HHIP: variants seen among roughly 807,000 people sequenced by gnomAD.
HHIP encodes hedgehog interacting protein.
Under a neutral mutation model 74.0 loss-of-function variants are expected in HHIP, and 12 were observed. That is an observed-to-expected ratio of 0.16 (90% CI 0.10 to 0.26). The LOEUF (loss-of-function observed/expected upper bound fraction) is 0.26, where lower values mean the gene tolerates loss of function less well. Ranked by LOEUF, HHIP falls within the 10% of genes least tolerant of loss-of-function variation. HHIP has a pLI of 1.00. For missense variants in HHIP, 788 were observed against 845.0 expected, an observed-to-expected ratio of 0.93 and a Z score of 0.84; for synonymous variants, 309 against 311.6, an observed-to-expected ratio of 0.99 and a Z score of 0.09.
chr4:144,738,388 A>G lies in HHIP; in HGVS notation c.*431A>G. 1.0e-6 allele frequency: 1 copy of G among 970,238 alleles called. No homozygotes were observed. Among genetic ancestry groups the G allele is most frequent in the Non-Finnish European group, 1.2e-6 (1 of 815,688 alleles). 60.1% of individuals were successfully genotyped at this position (970,238 alleles called of 1,614,324 possible). A position where few individuals can be genotyped will look rare whatever the true frequency, so the allele number is the denominator to read the frequency against. ...TGGATCTAATTAAAAAAAAGGCAATATTTTTATATTAAAGTACTATACTAG... is the reference window on the plus strand; with the variant it reads ...TGGATCTAATTAAAAAAAAGGCAATGTTTTTATATTAAAGTACTATACTAG... On this transcript the variant is annotated 3_prime_UTR_variant, in exon 13 of 13. Transcript: ENST00000296575.
At position 144,646,750 on chromosome 4, in the gene HHIP, T is replaced by A; in HGVS notation, c.75T>A (p.Phe25Leu). ...ALGFFEGDAK[F>L]GERNEGSGAR... ...GCTTCTTTGAAGGAGATGCTAAGTT[T>A]GGGGAAAGAAACGAAGGGAGCGGAG... is the stretch of plus-strand genomic sequence containing the variant. Residue 25 changes from phenylalanine to leucine, a missense_variant, in exon 1 of 13, where the codon TTT becomes TTA. Coordinates refer to ENST00000296575, the MANE Select transcript of HHIP (RefSeq NM_022475.3). 5 of 1,614,054 alleles carry A rather than the reference T, an allele frequency of 3.1e-6. No individual in the cohort carries two copies. The highest frequency in any genetic ancestry group is 4.2e-6 in the Non-Finnish European group (5 of 1,180,004).
intron 11 of HHIP, among the ~76,000 whole-genome samples, chr4:144,724,731 T>C (rs1260900907): frequency 6.7e-6 from 1 of 148,428 alleles, no homozygotes; most frequent in East Asian, 1.9e-4. Context: ...TATATATATA[T>C]ATATCCCATT....
At chr4:144,698,214 C>T (rs553613830) in intron 4 of HHIP, among the ~76,000 whole-genome samples, 16 of 152,238 alleles carry the variant, frequency 1.1e-4, no homozygotes, top group Middle Eastern at 6.8e-3. Flanking sequence ...ATTTCTTTGT[C>T]AGGTGTGATG....
intron 4 of HHIP, among the ~76,000 whole-genome samples, chr4:144,676,932 T>TG (rs1729185490): frequency 1.3e-5 from 2 of 152,214 alleles, no homozygotes; most frequent in African/African-American, 2.4e-5. Flanking sequence ...TTAAAGGATA[T>TG]GGGCATTGCC....
At chr4:144,720,106 T>C (rs1023733023) in intron 11 of HHIP, among the ~76,000 whole-genome samples, 18 of 152,196 alleles carry the variant, frequency 1.2e-4, no homozygotes, top group African/African-American at 4.1e-4. Context: ...TCTATTTAAC[T>C]GTATACATTT....
intron 2 of HHIP, among the ~76,000 whole-genome samples, chr4:144,653,712 T>C (rs1728486159): frequency 6.6e-6 from 1 of 152,178 alleles, no homozygotes; most frequent in South Asian, 2.1e-4. Context: ...TTTTAAGTGC[T>C]ATGTACATTT....
intron 11 of HHIP, among the ~76,000 whole-genome samples, chr4:144,730,160 C>T (rs1291283049): frequency 6.6e-6 from 1 of 152,164 alleles, no homozygotes; most frequent in Non-Finnish European, 1.5e-5. Flanking sequence ...ATAACTTATG[C>T]TTCTCAACTT....
Position 144,738,746 on chromosome 4 carries a change from C to A in HHIP, c.*789C>A. ...ATCACCTAGATGAAACACCTTTACC[C>A]TGTCCTGTAAAACACTAAAGTTACA... is the stretch of plus-strand genomic sequence containing the variant. On this transcript the variant is annotated 3_prime_UTR_variant, in exon 13 of 13. Transcript: ENST00000296575. 1 of 833,708 alleles carries A rather than the reference C, an allele frequency of 1.2e-6. No individual in the cohort carries two copies. The highest frequency in any genetic ancestry group is 5.5e-5 in the South Asian group (1 of 18,136). The allele number at this position is 833,708 out of a possible 1,614,324, so 51.6% of individuals were successfully genotyped here.
chr4:144,663,095 G>T (rs965522791), intron 4 of HHIP, among the ~76,000 whole-genome samples: 4 of 152,100 alleles, frequency 2.6e-5, no homozygotes, highest in Non-Finnish European at 4.4e-5. Flanking sequence ...AGACCAACCT[G>T]GCCAATATGT....
chr4:144,691,307 C>T (rs1560708011), intron 4 of HHIP, among the ~76,000 whole-genome samples: 1 of 152,166 alleles, frequency 6.6e-6, no homozygotes, highest in Non-Finnish European at 1.5e-5. Flanking sequence ...TTTATTATAT[C>T]ATGCATACTA....
chr4:144,649,872 A>G (rs1300508183), intron 1 of HHIP, among the ~76,000 whole-genome samples: 1 of 152,204 alleles, frequency 6.6e-6, no homozygotes, highest in Non-Finnish European at 1.5e-5. Flanking sequence ...CTGCCTTAGT[A>G]CAATGATCTA....
In HHIP at chr4:144,704,253, T is replaced by C. The variant is rs77884228; in HGVS notation, c.832-2278T>C. 3.8e-3 allele frequency among the ~76,000 whole-genome samples: 575 copies of C among 152,302 alleles called. 6 individuals are homozygous for C. The highest frequency in any genetic ancestry group is 0.012 in the African/African-American group (495 of 41,572). ...TCAAATTTCTAAACTACTTTGCACC[T>C]GGAAGTTGACCCAAAAATGAGATCA... On this transcript the variant is annotated intron_variant, in intron 4 of 12. Transcript: ENST00000296575.
At chr4:144,686,033 C>G (rs1729474229) in intron 4 of HHIP, among the ~76,000 whole-genome samples, 1 of 152,146 alleles carries the variant, frequency 6.6e-6, no homozygotes, top group South Asian at 2.1e-4. Flanking sequence ...ATACAGCCTT[C>G]TTTTTTGCCA....
chr4:144,717,991 T>A (rs1314423686), intron 10 of HHIP, among the ~76,000 whole-genome samples: 1 of 152,214 alleles, frequency 6.6e-6, no homozygotes, highest in Non-Finnish European at 1.5e-5. Context: ...ATTGAGCACC[T>A]TCTCTGTGCA....
At chr4:144,691,665 A>T (rs1224853011) in intron 4 of HHIP, among the ~76,000 whole-genome samples, 1 of 152,112 alleles carries the variant, frequency 6.6e-6, no homozygotes, top group Non-Finnish European at 1.5e-5. Flanking sequence ...TTACATAAGG[A>T]AGGAGATGCC....
intron 2 of HHIP, among the ~76,000 whole-genome samples, 177 bp downstream of exon 2, chr4:144,652,974 T>C (rs566783464): frequency 3.3e-4 from 50 of 152,278 alleles, no homozygotes; most frequent in Admixed American, 5.2e-4. Flanking sequence ...AAAGGGAATA[T>C]TGTAATTTCA....
At chr4:144,687,751 C>CTTTTTTTTTTT (rs5862719) in intron 4 of HHIP, among the ~76,000 whole-genome samples, 1 of 73,442 alleles carries the variant, frequency 1.4e-5, no homozygotes, top group African/African-American at 5.4e-5. Flanking sequence ...CTTTTGGCAA[C>CTTTTTTTTTTT]TTTTTTTTTT....
chr4:144,736,975 T>C lies in HHIP; in HGVS notation c.1910-789T>C, dbSNP rs537656664. 3.3e-5 allele frequency among the ~76,000 whole-genome samples: 5 copies of C among 152,288 alleles called. 1 individual carries two copies. In the East Asian group the frequency reaches 9.6e-4, roughly 29 times the overall value. On this transcript the variant is annotated intron_variant, in intron 12 of 12. Coordinates refer to ENST00000296575, the MANE Select transcript of HHIP (RefSeq NM_022475.3). ...ACATAAGGAAATGTATTGAAGGAAT[T>C]TGACTCCATCCCCAGTGACTGTACT... is the stretch of plus-strand genomic sequence containing the variant.
At chr4:144,695,128 A>C (rs923409258) in intron 4 of HHIP, among the ~76,000 whole-genome samples, 3 of 150,534 alleles carry the variant, frequency 2.0e-5, no homozygotes, top group Non-Finnish European at 4.4e-5. Flanking sequence ...CTTTTCTAAC[A>C]AGATTTGCTT....
Sources: allele counts gnomAD v4.1 joint callset (sites outside exome capture counted in the v4.1 genomes callset), GRCh38; gene constraint gnomAD v4.1.1; transcripts MANE v1.5; gene names NCBI Gene and HGNC (gene_info 2026-07-23, HGNC 2026-07-21).